Variants in PIEZO2 observed in about 807,000 individuals in gnomAD.
PIEZO2 encodes piezo type mechanosensitive ion channel component 2.
Under a neutral mutation model 337.3 loss-of-function variants are expected in PIEZO2, and 172 were observed. That is an observed-to-expected ratio of 0.51 (90% CI 0.45 to 0.58). The LOEUF is 0.58. PIEZO2 is among the 20% of genes least tolerant of loss of function. The pLI, the probability that PIEZO2 is intolerant of heterozygous loss-of-function variation, is 0.00. For synonymous variants in PIEZO2, 1,251 were observed against 1,228.5 expected (o/e 1.02, Z -0.38); for missense variants, 3,028 against 3,391.3 (o/e 0.89, Z 2.66).
chr18:10,716,775 G>A lies in PIEZO2; in HGVS notation c.5090-959C>T, dbSNP rs982315388. On this transcript the variant is annotated intron_variant, in intron 37 of 55. Coordinates refer to ENST00000674853, the MANE Select transcript of PIEZO2 (RefSeq NM_001378183.1). The surrounding 1 kb of genome is among the most constrained non-coding windows in gnomAD (Gnocchi z 4.1). ...GAAGCTTGGCTCTGGAGGATGAAAGGCTTGGAGTTACACCCATCAATGAAC... is the reference window on the plus strand; with the variant it reads ...GAAGCTTGGCTCTGGAGGATGAAAGACTTGGAGTTACACCCATCAATGAAC... Among the ~76,000 whole-genome samples the A allele has an allele frequency of 6.6e-6, 1 of 151,550 alleles. No homozygotes were observed. The highest frequency in any genetic ancestry group is 1.5e-5 in the Non-Finnish European group (1 of 68,016).
intron 5 of PIEZO2, among the ~76,000 whole-genome samples, chr18:10,864,961 G>A (rs763694952): frequency 2.6e-5 from 4 of 152,188 alleles, no homozygotes; most frequent in Non-Finnish European, 5.9e-5. Flanking sequence ...GCCCCGGAAA[G>A]ACAAGAGTCG....
rs1362444238 is a variant in PIEZO2, at chr18:11,126,363, T to G, written c.64+22162A>C. On this transcript the variant is annotated intron_variant, in intron 1 of 55. Coordinates refer to ENST00000674853, the MANE Select transcript of PIEZO2 (RefSeq NM_001378183.1). This position sits in a 1 kb window ranked among gnomAD's most constrained non-coding sequence, Gnocchi z 4.6. ...GTTCAAATGCAAGGACTCACCTCAT[T>G]GCACTGCGCCAGCCTGAGCGCCCAT... Among the ~76,000 whole-genome samples the G allele has an allele frequency of 1.3e-5, 2 of 152,192 alleles. No individual in the cohort carries two copies. The highest frequency in any genetic ancestry group is 4.8e-5 in the African/African-American group (2 of 41,464).
chr18:10,752,007 G>C (rs1000628601), intron 28 of PIEZO2, among the ~76,000 whole-genome samples: 1 of 152,126 alleles, frequency 6.6e-6, no homozygotes, highest in African/African-American at 2.4e-5. Context: ...GTTGTGGGGG[G>C]GGAGGGTCCC....
intron 7 of PIEZO2, among the ~76,000 whole-genome samples, chr18:10,829,006 G>T (rs1448722592): frequency 6.6e-6 from 1 of 151,964 alleles, no homozygotes; most frequent in African/African-American, 2.4e-5. Flanking sequence ...TCAAGTGGTG[G>T]GCATTCCCTT....
At chr18:10,991,354 A>T (rs552516627) in intron 2 of PIEZO2, among the ~76,000 whole-genome samples, 1 of 151,836 alleles carries the variant, frequency 6.6e-6, no homozygotes, top group African/African-American at 2.4e-5. Context: ...TACATTAGGT[A>T]TTTCTCCTAA....
intron 18 of PIEZO2, among the ~76,000 whole-genome samples, chr18:10,780,018 G>A (rs1255269828): frequency 1.3e-5 from 2 of 152,192 alleles, no homozygotes; most frequent in African/African-American, 4.8e-5. Context: ...TGTTCAAGAG[G>A]GAGGGGAGTT....
At chr18:10,804,842 CTTCT>C (rs1568078752) in intron 8 of PIEZO2, among the ~76,000 whole-genome samples, 2 of 152,200 alleles carry the variant, frequency 1.3e-5, no homozygotes. Flanking sequence ...ATATAATCAG[CTTCT>C]TTTTCTCATT....
At position 10,704,387 on chromosome 18, in the gene PIEZO2, G is replaced by A. The variant is rs369263774; in HGVS notation, c.6258+7C>T. The A allele has an allele frequency of 2.6e-6, 4 of 1,536,988 alleles. No individual in the cohort carries two copies. In the Admixed American group the frequency reaches 7.8e-5, roughly 30 times the overall value. On this transcript the variant is annotated splice_region_variant and intron_variant, in intron 42 of 55. Transcript: ENST00000674853. ...AGCCATCCACAGGGGTCTGCGTCCAGGCCTACCTCAGTATAGACGATGGCC... is the reference window on the plus strand; with the variant it reads ...AGCCATCCACAGGGGTCTGCGTCCAAGCCTACCTCAGTATAGACGATGGCC...
chr18:11,002,011 T>A lies in PIEZO2; in HGVS notation c.161-22351A>T. On this transcript the variant is annotated intron_variant, in intron 2 of 55. Coordinates refer to ENST00000674853, the MANE Select transcript of PIEZO2 (RefSeq NM_001378183.1). This position sits in a 1 kb window ranked among gnomAD's most constrained non-coding sequence, Gnocchi z 4.3. ...AGTTGGAAATTCTAGATCTTCTACCTGTAAGGGCCAGAGAGTAGATATTTT... is the reference window on the plus strand; with the variant it reads ...AGTTGGAAATTCTAGATCTTCTACCAGTAAGGGCCAGAGAGTAGATATTTT... Among the ~76,000 whole-genome samples, 1 of 152,112 alleles carries A rather than the reference T, an allele frequency of 6.6e-6. No individual in the cohort carries two copies. Among genetic ancestry groups the A allele is most frequent in the East Asian group, 1.9e-4 (1 of 5,194 alleles).
In PIEZO2 at chr18:10,856,266, T is replaced by C. The variant is rs2041702587; in HGVS notation, c.704-700A>G. On this transcript the variant is annotated intron_variant, in intron 6 of 55. Transcript: ENST00000674853. The surrounding 1 kb of genome is among the most constrained non-coding windows in gnomAD (Gnocchi z 4.7). Reference sequence around the variant, plus strand: ...CCATCACCTTAGGGCAAAAGGAGTCTGTTTTATTGGGCATTTTGAAAGGAC... The same window carrying C: ...CCATCACCTTAGGGCAAAAGGAGTCCGTTTTATTGGGCATTTTGAAAGGAC... 6.6e-6 allele frequency among the ~76,000 whole-genome samples: 1 copy of C among 152,210 alleles called. No homozygotes were observed. The highest frequency in any genetic ancestry group is 1.5e-5 in the Non-Finnish European group (1 of 68,042).
chr18:10,994,249 G>A (rs1201376907), intron 2 of PIEZO2, among the ~76,000 whole-genome samples: 1 of 152,086 alleles, frequency 6.6e-6, no homozygotes, highest in African/African-American at 2.4e-5. Flanking sequence ...CTTGTTAATT[G>A]ATGGACAATT....
chr18:10,686,272 C>T (rs2034542061), intron 49 of PIEZO2, among the ~76,000 whole-genome samples: 1 of 152,210 alleles, frequency 6.6e-6, no homozygotes, highest in Non-Finnish European at 1.5e-5. Flanking sequence ...AACATCTATT[C>T]TCAGTATTCA....
In PIEZO2 at chr18:10,824,312, G is replaced by A. The variant is rs947631138; in HGVS notation, c.918-17038C>T. ...AAGAAGGTGATATAAAGGCCTTCAA[G>A]ACCTTAATATTTGCAGAGCCTTGGT... is the stretch of plus-strand genomic sequence containing the variant. On this transcript the variant is annotated intron_variant, in intron 7 of 55. Coordinates refer to ENST00000674853, the MANE Select transcript of PIEZO2 (RefSeq NM_001378183.1). This position sits in a 1 kb window ranked among gnomAD's most constrained non-coding sequence, Gnocchi z 4.4. Among the ~76,000 whole-genome samples the A allele has an allele frequency of 6.6e-6, 1 of 152,156 alleles. No homozygotes were observed. Among genetic ancestry groups the A allele is most frequent in the African/African-American group, 2.4e-5 (1 of 41,448 alleles).
rs2035220907 is a variant in PIEZO2, at chr18:10,699,029, T to C, written c.6590A>G (p.His2197Arg). The C allele has an allele frequency of 2.6e-6, 4 of 1,537,148 alleles. No homozygotes were observed. Among genetic ancestry groups the C allele is most frequent in the Non-Finnish European group, 3.5e-6 (4 of 1,146,914 alleles). The change falls in exon 44 of 56, where the codon CAT becomes CGT. Residue 2197 changes from histidine (H) to arginine (R), a missense_variant. Physicochemically the swap from His to Arg is conservative, Grantham distance 29 (BLOSUM62 0). Coordinates refer to ENST00000674853, the MANE Select transcript of PIEZO2 (RefSeq NM_001378183.1). ...TGTCTGCTGCTCCGGGAAGGTCACA[T>C]GCACTGACTCCACAGACGCGGCCAG... ...INLAASVESV[H>R]VTFPEQQTAV...
At chr18:10,704,304 C>G in intron 42 of PIEZO2, 90 bp downstream of exon 42, 1 of 1,465,360 alleles carries the variant, frequency 6.8e-7, no homozygotes, top group Non-Finnish European at 9.1e-7. Context: ...CAGGGCAGGC[C>G]CGTCTCAAGA....
chr18:10,937,206 A>G (rs1332083752), intron 3 of PIEZO2, among the ~76,000 whole-genome samples: 1 of 152,228 alleles, frequency 6.6e-6, no homozygotes, highest in Non-Finnish European at 1.5e-5. Context: ...AGGAACTACT[A>G]TGTGAATGAA....
chr18:10,876,350 T>TTCTTAGAAGAAACTG lies in PIEZO2; in HGVS notation c.330-4936_330-4935insCAGTTTCTTCTAAGA, dbSNP rs2042268612. ...TGACCTGGAAACCATTTCTTACCAG[T>TTCTTAGAAGAAACTG]TTCTTCTAAGACTATTACATGTGAC... On this transcript the variant is annotated intron_variant, in intron 4 of 55. Coordinates refer to ENST00000674853, the MANE Select transcript of PIEZO2 (RefSeq NM_001378183.1). 4.6e-5 allele frequency among the ~76,000 whole-genome samples: 7 copies of TTCTTAGAAGAAACTG among 152,344 alleles called. No homozygotes were observed. The South Asian group carries it at 1.4e-3, about 32-fold the overall frequency.
At position 10,789,426 on chromosome 18, in the gene PIEZO2, C is replaced by T. The variant is rs138359821; in HGVS notation, c.1883-61G>A. On this transcript the variant is annotated intron_variant, in intron 14 of 55. Transcript: ENST00000674853. ...GTTATCTGTGCAGACCACACTTTGA[C>T]CATGTGATAGGTATAGGATGTAGAG... 311 of 1,476,860 alleles carry T rather than the reference C, an allele frequency of 2.1e-4. No individual in the cohort carries two copies. In the East Asian group the frequency reaches 7.3e-3, roughly 35 times the overall value. The allele number at this position is 1,476,860 out of a possible 1,614,324, so 91.5% of individuals were successfully genotyped here.
chr18:10,696,395 A>C lies in PIEZO2; in HGVS notation c.6972T>G (p.Phe2324Leu). 1 of 1,614,232 alleles carries C rather than the reference A, an allele frequency of 6.2e-7. No homozygotes were observed. Among genetic ancestry groups the C allele is most frequent in the Non-Finnish European group, 8.5e-7 (1 of 1,180,034 alleles). ...TGTGGCCTTTGCCCCAACCTACCCC[A>C]AAGGCCCAAAAGCCGAAGACAATGA... is the stretch of plus-strand genomic sequence containing the variant. Reference protein sequence around the residue: ...FIIIVFGFWAFGKHSAAADIT... With the variant: ...FIIIVFGFWALGKHSAAADIT... Residue 2324 changes from phenylalanine (F) to leucine (L), a missense_variant, in exon 46 of 56, where the codon TTT becomes TTG. By Grantham distance (22) the Phe-to-Leu change is conservative. Around this residue, in one of 5 missense-constraint regions of PIEZO2, gnomAD observed 1,925 missense variants for 2,051.9 expected, o/e 0.94. Coordinates refer to ENST00000674853, the MANE Select transcript of PIEZO2 (RefSeq NM_001378183.1).
Sources: gnomAD v4.1 joint callset for allele counts (sites outside exome capture counted in the v4.1 genomes callset) on GRCh38, gnomAD v4.1.1 for gene constraint, gnomAD v4.1.1 regional missense constraint, Gnocchi (gnomAD v3.1) non-coding constraint, MANE v1.5 for transcripts, NCBI Gene and HGNC (gene_info 2026-07-23, HGNC 2026-07-21) for gene names.